The following AP4B1 variants were observed in gnomAD, a reference collection of about 807,000 sequenced individuals.
AP4B1 encodes AP-4 complex subunit beta-1.
In AP4B1, 49 loss-of-function variants were observed where a neutral mutation model predicts 76.5. The ratio of observed to expected loss-of-function variants is 0.64; its 90% CI spans 0.51 to 0.81. The LOEUF (loss-of-function observed/expected upper bound fraction) is 0.81. Ranked by LOEUF, AP4B1 falls within the 40% of genes least tolerant of loss-of-function variation. The pLI is 0.00. For synonymous variants in AP4B1, 330 were observed against 333.3 expected (o/e 0.99, Z 0.11); for missense variants, 911 against 904.9 (o/e 1.01, Z -0.09).
rs753790986 is a variant in AP4B1, at chr1:113,902,880, C to T, written c.114-18G>A. 6.2e-7 allele frequency: 1 copy of T among 1,612,384 alleles called. No homozygotes were observed. Among genetic ancestry groups the T allele is most frequent in the African/African-American group, 1.3e-5 (1 of 74,874 alleles). ...TCATGTACCTGAACAACGCACATGACAGAAGGAAGTAAAATGCAAAATCCC... is the reference window on the plus strand; with the variant it reads ...TCATGTACCTGAACAACGCACATGATAGAAGGAAGTAAAATGCAAAATCCC... On this transcript the variant is annotated intron_variant, in intron 1 of 9. Coordinates refer to ENST00000369569, the MANE Select transcript of AP4B1 (RefSeq NM_001253852.3).
rs759455788 is a variant in AP4B1 at position 113,902,628 on chromosome 1, G to A, written c.338+10C>T. ...GCCATTTAGGACCAGACAGAGAAGA[G>A]GGTACTCACCTGAGGCTACACATGC... On this transcript the variant is annotated intron_variant, in intron 2 of 9. Transcript: ENST00000369569. 3.1e-6 allele frequency: 5 copies of A among 1,611,654 alleles called. No homozygotes were observed. Among genetic ancestry groups the A allele is most frequent in the Non-Finnish European group, 4.2e-6 (5 of 1,179,360 alleles).
At chr1:113,903,622 G>C (rs1283735861) in intron 1 of AP4B1, among the ~76,000 whole-genome samples, 1 of 152,224 alleles carries the variant, frequency 6.6e-6, no homozygotes, top group African/African-American at 2.4e-5. Flanking sequence ...CTTCACAGAG[G>C]AAGTAATACT....
chr1:113,902,653 C>A lies in AP4B1; in HGVS notation c.323G>T (p.Ser108Ile). ...NPMVRGLALR[S>I]MCSLRMPGVQ... The stretch of plus-strand genomic sequence containing the variant: ...GGGTACTCACCTGAGGCTACACATG[C>A]TCCGTAACGCCAGCCCTCGCACCAT... Residue 108 changes from serine to isoleucine, a missense_variant, in exon 2 of 10, where the codon AGC becomes ATC. Transcript: ENST00000369569. The A allele has an allele frequency of 6.2e-7, 1 of 1,613,146 alleles. No homozygotes were observed. Among genetic ancestry groups the A allele is most frequent in the Admixed American group, 1.7e-5 (1 of 60,026 alleles).
Position 113,899,951 on chromosome 1 carries a change from C to T in AP4B1, c.1067G>A (p.Cys356Tyr), listed in dbSNP as rs770948820. 9.9e-6 allele frequency: 16 copies of T among 1,614,078 alleles called. 1 individual carries two copies. The South Asian group carries it at 1.6e-4, about 17-fold the overall frequency. Residue 356 changes from cysteine (C) to tyrosine (Y), a missense_variant, in exon 5 of 10, where the codon TGC (cysteine) becomes TAC (tyrosine). By Grantham distance (194) the Cys-to-Tyr change is radical (BLOSUM62 -2). Transcript: ENST00000369569. ...TGCAAAGTCCGCAGACACATCCGTGCAGTACCCTCGAAGCTCCTCTAGCAC... is the reference window on the plus strand; with the variant it reads ...TGCAAAGTCCGCAGACACATCCGTGTAGTACCCTCGAAGCTCCTCTAGCAC... Reference protein sequence around the residue: ...QQVLEELRGYCTDVSADFAQA... With the variant: ...QQVLEELRGYYTDVSADFAQA...
rs1439822500 is a variant in AP4B1 at position 113,895,335 on chromosome 1, T to C, written c.1950A>G (p.Gly650=). ...VAHQQVLPWR[G]EFHPDTLQMA... ...TCTGGAGGGTGTCAGGATGGAATTC[T>C]CCCCGCCAAGGCAACACTTGCTGAT... is the stretch of plus-strand genomic sequence containing the variant. Residue 650 remains glycine, a synonymous_variant, in exon 10 of 10, where the codon GGA becomes GGG. Coordinates refer to ENST00000369569, the MANE Select transcript of AP4B1 (RefSeq NM_001253852.3). The C allele has an allele frequency of 6.2e-7, 1 of 1,614,190 alleles. No individual in the cohort carries two copies. The highest frequency in any genetic ancestry group is 1.1e-5 in the South Asian group (1 of 91,084).
chr1:113,895,794 G>A lies in AP4B1; in HGVS notation c.1755C>T (p.Asp585=). ...AGGATGAAGTTTTAGGAAGCTCTGG[G>A]TCACAACGCTCTGCCCCCTGGCATT... ...ISKCQGAERC[D]PELPKTSSFA... The change falls in exon 9 of 10, where the codon GAC becomes GAT. Residue 585 remains aspartate, a synonymous_variant. Coordinates refer to ENST00000369569, the MANE Select transcript of AP4B1 (RefSeq NM_001253852.3). 6.2e-7 allele frequency: 1 copy of A among 1,614,204 alleles called. No individual in the cohort carries two copies. The highest frequency in any genetic ancestry group is 8.5e-7 in the Non-Finnish European group (1 of 1,180,042).
intron 3 of AP4B1, 93 bp downstream of exon 3, chr1:113,901,662 C>CCA: frequency 1.6e-5 from 25 of 1,537,632 alleles, no homozygotes; most frequent in Non-Finnish European, 2.2e-5. Context: ...AGAACTGGGG[C>CCA]CACATTATTA....
chr1:113,898,127 T>G, intron 6 of AP4B1, 184 bp from the exon 7 acceptor site: 1 of 1,136,998 alleles, frequency 8.8e-7, no homozygotes, highest in Non-Finnish European at 1.2e-6. Flanking sequence ...TGAATGCATA[T>G]TGCTCTTATC....
chr1:113,901,340 C>A lies in AP4B1; in HGVS notation c.513G>T (p.Gln171His). ...VNELYSLLRD[Q>H]DPIVVVNCLR... ...AGCAGTTCACAACTACAATTGGATC[C>A]TGGTCACGCAGCAAACTGTATAATT... Residue 171 changes from glutamine to histidine, a missense_variant, in exon 4 of 10, where the codon CAG (glutamine) becomes CAT (histidine). Transcript: ENST00000369569. The A allele has an allele frequency of 1.2e-6, 2 of 1,614,112 alleles. No homozygotes were observed. The highest frequency in any genetic ancestry group is 1.7e-6 in the Non-Finnish European group (2 of 1,179,998).
rs755780191 is a variant in AP4B1, at chr1:113,900,403, A to G, written c.618-3T>C. 6.2e-7 allele frequency: 1 copy of G among 1,613,604 alleles called. No homozygotes were observed. Among genetic ancestry groups the G allele is most frequent in the Admixed American group, 1.7e-5 (1 of 59,736 alleles). On this transcript the variant is annotated splice_polypyrimidine_tract_variant and splice_region_variant and intron_variant, in intron 4 of 9. Coordinates refer to ENST00000369569, the MANE Select transcript of AP4B1 (RefSeq NM_001253852.3). ...CCCATTGGTCCAGTTTTGACATTCT[A>G]TCCAAAAAACAAAACAAAAGAGCTA...
In AP4B1 at chr1:113,897,930, A is replaced by G; in HGVS notation, c.1212T>C (p.Thr404=). 1 of 1,614,158 alleles carries G rather than the reference A, an allele frequency of 6.2e-7. No homozygotes were observed. The highest frequency in any genetic ancestry group is 8.5e-7 in the Non-Finnish European group (1 of 1,180,032). The part of the protein sequence containing the change: ...QEHITTVVVQ[T]FRDLVWLCPQ... ...GACACAACCAAACCAGGTCTCGGAA[A>G]GTCTGCACCACCACTACAATACAGG... is the stretch of plus-strand genomic sequence containing the variant. Residue 404 remains threonine (T), a synonymous_variant, in exon 7 of 10, where the codon ACT becomes ACC. Transcript: ENST00000369569.
chr1:113,897,864 A>C lies in AP4B1; in HGVS notation c.1278T>G (p.Cys426Trp). 1 of 1,614,158 alleles carries C rather than the reference A, an allele frequency of 6.2e-7. No individual in the cohort carries two copies. The highest frequency in any genetic ancestry group is 8.5e-7 in the Non-Finnish European group (1 of 1,180,016). ...TEAVCQALPG[C>W]EENIQDSEGK... Reference sequence around the variant, plus strand: ...CCTCACTATCTTGAATGTTCTCTTCACAGCCGGGCAGGGCCTGACATACAG... The same window carrying C: ...CCTCACTATCTTGAATGTTCTCTTCCCAGCCGGGCAGGGCCTGACATACAG... Residue 426 changes from cysteine (C) to tryptophan (W), a missense_variant, in exon 7 of 10, where the codon TGT (cysteine) becomes TGG (tryptophan). Physicochemically the swap from Cys to Trp is radical, Grantham distance 215 (BLOSUM62 -2). Transcript: ENST00000369569.
rs568692533 is a variant in AP4B1 at position 113,897,655 on chromosome 1, G to A, written c.1302+185C>T. 25 of 648,328 alleles carry A rather than the reference G, an allele frequency of 3.9e-5. No individual in the cohort carries two copies. In the Middle Eastern group the frequency reaches 1.3e-3, roughly 33 times the overall value. 40.2% of individuals were successfully genotyped at this position (648,328 alleles called of 1,614,324 possible). On this transcript the variant is annotated intron_variant, in intron 7 of 9. Coordinates refer to ENST00000369569, the MANE Select transcript of AP4B1 (RefSeq NM_001253852.3). ...GTATCACAGTTTTGTAATAAAACCC[G>A]TCGGATAAATCTTGTTTTTATAATT...
At chr1:113,904,886 C>T, upstream of AP4B1, 2 of 659,116 alleles carry the variant, frequency 3.0e-6, no homozygotes, top group South Asian at 1.5e-5. Context: ...GGCCCTGACA[C>T]ACTTCCACGC....
At chr1:113,897,690 T>C (rs760011130) in intron 7 of AP4B1, 150 bp downstream of exon 7, 5 of 768,298 alleles carry the variant, frequency 6.5e-6, no homozygotes, top group Non-Finnish European at 8.7e-6. Flanking sequence ...TTATATGCCA[T>C]CTATATCCAA....
At position 113,900,335 on chromosome 1, in the gene AP4B1, C is replaced by T. The variant is rs773497515; in HGVS notation, c.683G>A (p.Arg228His). 85 of 1,610,338 alleles carry T rather than the reference C, an allele frequency of 5.3e-5. No homozygotes were observed. The highest frequency in any genetic ancestry group is 5.0e-5 in the Non-Finnish European group (59 of 1,178,752). The change falls in exon 5 of 10, where the codon CGC (arginine) becomes CAC (histidine). Residue 228 changes from arginine (R) to histidine (H), a missense_variant. Physicochemically the swap from Arg to His is conservative, Grantham distance 29 (BLOSUM62 0). Transcript: ENST00000369569. ...VLNFLLRYQP[R>H]SEEELFDILN... ...AATGTCAAATAGTTCTTCCTCACTGCGGGGTTGGTAGCGTAGCAGAAAGTT... is the reference window on the plus strand; with the variant it reads ...AATGTCAAATAGTTCTTCCTCACTGTGGGGTTGGTAGCGTAGCAGAAAGTT...
chr1:113,902,687 G>C lies in AP4B1; in HGVS notation c.289C>G (p.Pro97Ala), dbSNP rs751547974. The change falls in exon 2 of 10, where the codon CCC becomes GCC. Residue 97 changes from proline to alanine, a missense_variant. Pro to Ala is a conservative substitution (Grantham distance 27). Coordinates refer to ENST00000369569, the MANE Select transcript of AP4B1 (RefSeq NM_001253852.3). ...GCCAGCCCTCGCACCATTGGATTGG[G>C]GTCTGAGCAGTCTTTGCACAGCGTA... Reference protein sequence around the residue: ...INTLCKDCSDPNPMVRGLALR... With the variant: ...INTLCKDCSDANPMVRGLALR... The C allele has an allele frequency of 1.2e-6, 2 of 1,613,992 alleles. No individual in the cohort carries two copies.
intron 1 of AP4B1, among the ~76,000 whole-genome samples, chr1:113,903,168 C>T (rs187748888): frequency 4.6e-5 from 7 of 152,342 alleles, no homozygotes; most frequent in South Asian, 4.1e-4. Context: ...CAGGTTCAAG[C>T]GATTCTCCTG....
At chr1:113,897,753 G>A in intron 7 of AP4B1, 87 bp downstream of exon 7, 1 of 1,415,506 alleles carries the variant, frequency 7.1e-7, no homozygotes, top group Non-Finnish European at 9.9e-7. Flanking sequence ...CAAACACAGG[G>A]TAGAGAGAAT....
Sources: gnomAD v4.1 joint callset for allele counts (sites outside exome capture counted in the v4.1 genomes callset) on GRCh38, gnomAD v4.1.1 for gene constraint, MANE v1.5 for transcripts, NCBI Gene and HGNC (gene_info 2026-07-23, HGNC 2026-07-21) for gene names.